The following NME9 variants were observed in gnomAD, a reference collection of about 807,000 sequenced individuals.
NME9 encodes NME/NM23 family member 9, also known as thioredoxin domain-containing protein 6.
NME9 carries 48 observed loss-of-function variants against 44.4 expected under a neutral mutation model. The observed-to-expected ratio is 1.08, with a 90% CI of 0.86 to 1.37. The LOEUF (loss-of-function observed/expected upper bound fraction) is 1.37. Ranked by LOEUF, NME9 falls within the 40% of genes most tolerant of loss-of-function variation. NME9 has a pLI of 0.00. For missense variants in NME9, 325 were observed against 405.2 expected (o/e 0.80, Z 1.70); for synonymous variants, 139 against 147.1 (o/e 0.94, Z 0.40).
intron 8 of NME9, among the ~76,000 whole-genome samples, chr3:138,291,107 A>G (rs891629005): frequency 6.6e-6 from 1 of 152,224 alleles, no homozygotes; most frequent in African/African-American, 2.4e-5. Flanking sequence ...AAGAGTTATA[A>G]TCAGATACTC....
intron 8 of NME9, chr3:138,274,420 A>C (rs377531059): frequency 7.0e-7 from 1 of 1,437,120 alleles, no homozygotes; most frequent in African/African-American, 1.4e-5. Flanking sequence ...TGTTTCTTTG[A>C]TAATTATGGA....
rs760350213 is a variant in NME9 at position 138,327,471 on chromosome 3, AG to A, written c.33+1831del. On this transcript the variant is annotated intron_variant, in intron 1 of 10. Transcript: ENST00000333911. ...GGACTCTGGGCAGTTGAAGAATCTC[AG>A]CCCTGGGAGCCAGGCAAGAGTGGAA... Among the ~76,000 whole-genome samples, 6 of 152,288 alleles carry A rather than the reference AG, an allele frequency of 3.9e-5. 1 individual carries two copies. In the East Asian group the frequency reaches 7.7e-4, roughly 20 times the overall value.
chr3:138,290,675 G>A (rs1439274863), intron 8 of NME9: 1 of 1,426,414 alleles, frequency 7.0e-7, no homozygotes, highest in South Asian at 1.2e-5. Context: ...GCTTTGGGCT[G>A]TGTTGGATTC....
intron 8 of NME9, chr3:138,263,463 A>C (rs2047952292): frequency 2.3e-6 from 1 of 439,320 alleles, no homozygotes; most frequent in African/African-American, 2.0e-5. Flanking sequence ...CCTCTGCAGT[A>C]CTTATACCAT....
intron 8 of NME9, among the ~76,000 whole-genome samples, chr3:138,278,944 T>G (rs972832541): frequency 6.6e-6 from 1 of 152,228 alleles, no homozygotes; most frequent in Non-Finnish European, 1.5e-5. Flanking sequence ...GTGAATTACT[T>G]AAAATTTTCA....
intron 8 of NME9, among the ~76,000 whole-genome samples, chr3:138,285,261 A>T (rs1476623186): frequency 2.0e-5 from 3 of 152,100 alleles, no homozygotes; most frequent in Admixed American, 6.5e-5. Flanking sequence ...TCCCTCCCCC[A>T]TTACAGTTAG....
intron 8 of NME9, among the ~76,000 whole-genome samples, chr3:138,292,870 C>T (rs543113092): frequency 6.6e-6 from 1 of 152,268 alleles, no homozygotes; most frequent in Middle Eastern, 3.4e-3. Flanking sequence ...GAGAAAGATG[C>T]AGCAAAGGAG....
chr3:138,283,018 C>T (rs986664009), intron 8 of NME9, among the ~76,000 whole-genome samples: 8 of 152,232 alleles, frequency 5.3e-5, no homozygotes, highest in African/African-American at 1.2e-4. Flanking sequence ...TGTCCCACTT[C>T]TTGGGCACAT....
At chr3:138,307,699 C>G (rs1208681618) in intron 6 of NME9, among the ~76,000 whole-genome samples, 5 of 152,090 alleles carry the variant, frequency 3.3e-5, no homozygotes, top group East Asian at 3.9e-4. Flanking sequence ...GAGACCAAAG[C>G]AGGGGCCTGG....
rs34583566 is a variant in NME9 at position 138,278,503 on chromosome 3, CA to C, written c.746-15918del. Among the ~76,000 whole-genome samples, 32 of 140,494 alleles carry C rather than the reference CA, an allele frequency of 2.3e-4. 1 individual carries two copies. Among genetic ancestry groups the C allele is most frequent in the East Asian group, 8.2e-4 (4 of 4,882 alleles). The allele number at this position is 140,494 out of a possible 152,430, so 92.2% of individuals were successfully genotyped here. On this transcript the variant is annotated intron_variant, in intron 8 of 8. Coordinates refer to the NME9 transcript ENST00000317876. ...TGGGTGACACAGCAAGACTCCATCT[CA>C]AAAAAAAAAAGATTCTATACATTTG...
At chr3:138,286,547 G>A (rs2050435162) in intron 8 of NME9, among the ~76,000 whole-genome samples, 1 of 151,870 alleles carries the variant, frequency 6.6e-6, no homozygotes, top group Admixed American at 6.6e-5. Flanking sequence ...TCTTCTACAC[G>A]TGCTCTCCTG....
At chr3:138,265,689 G>T (rs376609874) in intron 8 of NME9, among the ~76,000 whole-genome samples, 1 of 152,222 alleles carries the variant, frequency 6.6e-6, no homozygotes, top group African/African-American at 2.4e-5. Context: ...TATGGTATGT[G>T]TAGGGAACGG....
chr3:138,322,309 G>A (rs1388555525), intron 2 of NME9, among the ~76,000 whole-genome samples: 2 of 140,386 alleles, frequency 1.4e-5, no homozygotes, highest in African/African-American at 5.3e-5. Context: ...CCTCTTGGAC[G>A]CCCTGGCTCT....
chr3:138,310,459 A>G (rs1319650855), intron 6 of NME9, among the ~76,000 whole-genome samples: 2 of 151,936 alleles, frequency 1.3e-5, no homozygotes, highest in Non-Finnish European at 2.9e-5. Context: ...CTGCTACAGA[A>G]AAGACATTAT....
intron 6 of NME9, among the ~76,000 whole-genome samples, chr3:138,309,187 T>G (rs541887323): frequency 3.4e-4 from 51 of 150,516 alleles, no homozygotes; most frequent in Non-Finnish European, 5.8e-4. Context: ...TCCCAGCTAC[T>G]GGGGAGGCTG....
chr3:138,287,945 C>G (rs753821569), intron 8 of NME9: 41 of 202,504 alleles, frequency 2.0e-4, no homozygotes, highest in Non-Finnish European at 3.5e-4. Context: ...AACACCCTAT[C>G]CAAAGCAACC....
intron 9 of NME9, 23 bp from the exon 10 acceptor site, chr3:138,303,666 A>G (rs752071148): frequency 6.3e-7 from 1 of 1,586,310 alleles, no homozygotes; most frequent in South Asian, 1.1e-5. Flanking sequence ...GCAAAATGTA[A>G]AAGAAACAAT....
intron 8 of NME9, among the ~76,000 whole-genome samples, chr3:138,290,966 T>C (rs2050883236): frequency 6.6e-6 from 1 of 152,186 alleles, no homozygotes; most frequent in Non-Finnish European, 1.5e-5. Context: ...AAACCAGTAA[T>C]GCAAACATTC....
intron 7 of NME9, 135 bp from the exon 8 acceptor site, chr3:138,306,231 T>G (rs911047295): frequency 3.5e-5 from 29 of 827,862 alleles, no homozygotes; most frequent in Non-Finnish European, 5.9e-5. Flanking sequence ...CCACATTATC[T>G]GTCCCAATCA....
Sources: gnomAD v4.1 joint callset for allele counts (sites outside exome capture counted in the v4.1 genomes callset) on GRCh38, gnomAD v4.1.1 for gene constraint, MANE v1.5 for transcripts, NCBI Gene and HGNC (gene_info 2026-07-23, HGNC 2026-07-21) for gene names.